Variants in PARM1 observed in about 807,000 individuals in gnomAD.
The protein encoded by PARM1 is prostate androgen-regulated mucin-like protein 1.
PARM1 carries 14 observed loss-of-function variants against 24.6 expected under a neutral mutation model. The ratio of observed to expected loss-of-function variants is 0.57; its 90% confidence interval spans 0.38 to 0.89. The LOEUF is 0.89. Ranked by LOEUF, PARM1 falls within the 40% of genes least tolerant of loss-of-function variation. The pLI is 0.00. For missense variants in PARM1, 362 were observed against 380.4 expected, an observed-to-expected ratio of 0.95 and a Z score of 0.40; for synonymous variants, 179 against 156.6, an observed-to-expected ratio of 1.14 and a Z score of -1.07.
chr4:74,934,683 G>T (rs181708375), intron 1 of PARM1, among the ~76,000 whole-genome samples: 2 of 152,304 alleles, frequency 1.3e-5, no homozygotes, highest in African/African-American at 4.8e-5. Context: ...GCCTAGGTCC[G>T]GCAGGTGCAA....
intron 1 of PARM1, among the ~76,000 whole-genome samples, chr4:74,960,762 A>T (rs1213820190): frequency 2.6e-5 from 4 of 152,052 alleles, no homozygotes. Context: ...AAGACACAGC[A>T]CTTTGGGAGG....
rs1406255586 is a variant in PARM1, at chr4:74,933,274, G to A, written c.-54G>A. ...TACCAGCGCCCAGTGCGCTCTGTCA[G>A]TCCGCAAACTCCTTGCCGCCCGCCC... On this transcript the variant is annotated 5_prime_UTR_variant, in exon 1 of 4. Transcript: ENST00000307428. The A allele has an allele frequency of 1.3e-6, 2 of 1,546,690 alleles. No homozygotes were observed. The highest frequency in any genetic ancestry group is 8.9e-7 in the Non-Finnish European group (1 of 1,122,862).
chr4:74,933,349 G>T lies in PARM1; in HGVS notation c.22G>T (p.Ala8Ser), dbSNP rs758011484. Residue 8 changes from alanine (A) to serine (S), a missense_variant, in exon 1 of 4, where the codon GCT (alanine) becomes TCT (serine). By Grantham distance (99) the Ala-to-Ser change is moderately conservative. Coordinates refer to ENST00000307428, the MANE Select transcript of PARM1 (RefSeq NM_015393.4). ...TACCATGGTCTACAAGACTCTCTTC[G>T]CTCTTTGCATCTTAACTGCAGGTAA... is the stretch of plus-strand genomic sequence containing the variant. Reference protein sequence around the residue: MVYKTLFALCILTAGWRV... With the variant: MVYKTLFSLCILTAGWRV... 1.2e-6 allele frequency: 2 copies of T among 1,612,810 alleles called. No homozygotes were observed. Among genetic ancestry groups the T allele is most frequent in the East Asian group, 2.2e-5 (1 of 44,816 alleles).
rs534610503 is a variant in PARM1, at chr4:74,955,180, T to G, written c.43+21810T>G. Among the ~76,000 whole-genome samples the G allele has an allele frequency of 2.0e-4, 30 of 152,082 alleles. No individual in the cohort carries two copies. In the South Asian group the frequency reaches 3.5e-3, roughly 18 times the overall value. ...TGAAATGTTCTGCTAATAAACATAT[T>G]CCAAATAACTAAGCTTACTCTATAT... On this transcript the variant is annotated intron_variant, in intron 1 of 3. Transcript: ENST00000307428.
In PARM1 at chr4:75,049,931, T is replaced by C. The variant is rs923665565; in HGVS notation, c.*3684T>C. ...TTGATTTTAATAGTGCTAGTTGATA[T>C]TGGTAATAATGCTAACCAAGAGATC... On this transcript the variant is annotated 3_prime_UTR_variant, in exon 4 of 4. Coordinates refer to ENST00000307428, the MANE Select transcript of PARM1 (RefSeq NM_015393.4). 1 of 151,566 alleles carries C rather than the reference T, an allele frequency of 6.6e-6. No individual in the cohort carries two copies. The highest frequency in any genetic ancestry group is 1.5e-5 in the Non-Finnish European group (1 of 67,916). 9.4% of individuals were successfully genotyped at this position (151,566 alleles called of 1,614,324 possible).
chr4:74,960,379 C>G (rs1040029136), intron 1 of PARM1, among the ~76,000 whole-genome samples: 2 of 152,036 alleles, frequency 1.3e-5, no homozygotes, highest in African/African-American at 4.8e-5. Context: ...TAAAAACAAC[C>G]ACATATATGG....
chr4:75,004,995 G>A (rs1722744596), intron 1 of PARM1, among the ~76,000 whole-genome samples: 1 of 152,192 alleles, frequency 6.6e-6, no homozygotes. Context: ...CTTATCATCT[G>A]TGAAACCGAG....
rs1368789010 is a variant in PARM1, at chr4:75,018,305, A to T, written c.769+5155A>T. On this transcript the variant is annotated intron_variant, in intron 2 of 3. Coordinates refer to ENST00000307428, the MANE Select transcript of PARM1 (RefSeq NM_015393.4). ...GGGCAAGCATTAGAGAACACTAGGG[A>T]GCAGCCTAAGACAATTGGTTTACTT... 2.0e-5 allele frequency among the ~76,000 whole-genome samples: 3 copies of T among 152,340 alleles called. No individual in the cohort carries two copies. In the East Asian group the frequency reaches 5.8e-4, roughly 29 times the overall value.
Position 75,012,549 on chromosome 4 carries a change from A to G in PARM1, c.168A>G (p.Pro56=), listed in dbSNP as rs1011920106. 6.2e-7 allele frequency: 1 copy of G among 1,613,776 alleles called. No homozygotes were observed. The highest frequency in any genetic ancestry group is 1.3e-5 in the African/African-American group (1 of 74,886). Residue 56 remains proline (P), a synonymous_variant, in exon 2 of 4, where the codon CCA becomes CCG. Coordinates refer to ENST00000307428, the MANE Select transcript of PARM1 (RefSeq NM_015393.4). ...ACACTGATGCAGACACTGCCTCCCC[A>G]TCCAACGGCACTCACAACAACTCGG... ...PQNTDADTAS[P]SNGTHNNSVL...
chr4:75,039,496 T>C (rs1723436504), intron 3 of PARM1, among the ~76,000 whole-genome samples: 1 of 152,078 alleles, frequency 6.6e-6, no homozygotes, highest in African/African-American at 2.4e-5. Context: ...ATCGCACCAC[T>C]GCACTTCAGC....
chr4:74,972,792 A>G (rs538137250), intron 1 of PARM1, among the ~76,000 whole-genome samples: 21 of 152,322 alleles, frequency 1.4e-4, no homozygotes, highest in African/African-American at 4.8e-4. Context: ...TTTAAATGTT[A>G]AGTCCTTTGG....
chr4:74,990,657 G>A (rs1009665613), intron 1 of PARM1, among the ~76,000 whole-genome samples: 1 of 152,116 alleles, frequency 6.6e-6, no homozygotes, highest in Admixed American at 6.6e-5. Flanking sequence ...CAGAGAGTGG[G>A]ATGTGAGGAT....
chr4:74,971,431 C>T (rs1722035634), intron 1 of PARM1, among the ~76,000 whole-genome samples: 1 of 152,142 alleles, frequency 6.6e-6, no homozygotes, highest in African/African-American at 2.4e-5. Context: ...AGTGGGGATA[C>T]AGCCAAATCA....
chr4:75,006,528 A>C (rs1722772817), intron 1 of PARM1, among the ~76,000 whole-genome samples: 1 of 152,064 alleles, frequency 6.6e-6, no homozygotes, highest in African/African-American at 2.4e-5. Context: ...ACATTTTCTT[A>C]ATCCAGTCTA....
chr4:74,950,119 T>C (rs1279223222), intron 1 of PARM1, among the ~76,000 whole-genome samples: 1 of 152,200 alleles, frequency 6.6e-6, no homozygotes, highest in Non-Finnish European at 1.5e-5. Context: ...GTGAGCTATC[T>C]ACCCCCTTGA....
At chr4:74,994,521 A>T (rs1722538368) in intron 1 of PARM1, among the ~76,000 whole-genome samples, 1 of 152,182 alleles carries the variant, frequency 6.6e-6, no homozygotes. Flanking sequence ...ATTAAAAAAC[A>T]ATGCTGGCCA....
At chr4:74,973,854 A>ATGTGTGTG (rs147269325) in intron 1 of PARM1, among the ~76,000 whole-genome samples, 11 of 150,792 alleles carry the variant, frequency 7.3e-5, no homozygotes, top group African/African-American at 1.7e-4. Context: ...TGTTACATGT[A>ATGTGTGTG]TGTGTGTGTG....
At chr4:75,025,396 T>G (rs141118114) in intron 2 of PARM1, among the ~76,000 whole-genome samples, 58 of 152,340 alleles carry the variant, frequency 3.8e-4, no homozygotes, top group African/African-American at 1.4e-3. Flanking sequence ...GAAGAATATC[T>G]CTCATTATTC....
intron 2 of PARM1, among the ~76,000 whole-genome samples, chr4:75,033,650 A>T (rs1273716733): frequency 1.3e-5 from 2 of 152,218 alleles, no homozygotes; most frequent in Non-Finnish European, 2.9e-5. Context: ...AAAAGTCTTG[A>T]TAAATATTGA....
Sources: gnomAD v4.1 joint callset for allele counts (sites outside exome capture counted in the v4.1 genomes callset) on GRCh38, gnomAD v4.1.1 for gene constraint, MANE v1.5 for transcripts, NCBI Gene and HGNC (gene_info 2026-07-23, HGNC 2026-07-21) for gene names.